BEND3: variants seen among roughly 807,000 people sequenced by gnomAD.
BEND3 encodes the protein BEN domain-containing protein 3.
A neutral mutation model predicts 60.1 loss-of-function variants in BEND3; 13 were observed. The ratio of observed to expected loss-of-function variants is 0.22; its 90% CI spans 0.14 to 0.34. BEND3 has a LOEUF of 0.34. BEND3 is among the 10% of genes least tolerant of loss of function. The pLI is 1.00. For missense variants in BEND3, 896 were observed against 1,138.1 expected (o/e 0.79, Z 3.06); for synonymous variants, 497 against 491.5 (o/e 1.01, Z -0.15).
intron 1 of BEND3, among the ~76,000 whole-genome samples, chr6:107,107,424 C>CTTTT (rs34112086): frequency 6.8e-6 from 1 of 147,038 alleles, no homozygotes; most frequent in Non-Finnish European, 1.5e-5. Context: ...TATAAAGCTT[C>CTTTT]TTTTTTTTTT....
At chr6:107,075,739 T>C (rs922126323) in intron 3 of BEND3, among the ~76,000 whole-genome samples, 8 of 152,178 alleles carry the variant, frequency 5.3e-5, no homozygotes, top group African/African-American at 1.9e-4. Context: ...GAAACGTATA[T>C]AGCATGCAAC....
chr6:107,100,234 C>T (rs1775677024), intron 1 of BEND3, among the ~76,000 whole-genome samples: 1 of 151,656 alleles, frequency 6.6e-6, no homozygotes, highest in African/African-American at 2.4e-5. Flanking sequence ...GGGCTAAATA[C>T]AATACTTTAT....
chr6:107,084,876 G>A (rs560808834), intron 3 of BEND3, among the ~76,000 whole-genome samples: 5 of 152,300 alleles, frequency 3.3e-5, no homozygotes, highest in African/African-American at 9.6e-5. Flanking sequence ...AGCAGGACAC[G>A]GGCCAAATAA....
At chr6:107,097,805 A>AT (rs1775618720) in intron 3 of BEND3, among the ~76,000 whole-genome samples, 1 of 151,266 alleles carries the variant, frequency 6.6e-6, no homozygotes, top group Non-Finnish European at 1.5e-5. Context: ...AAAAAAAAAA[A>AT]AAAAAAAAAA....
intron 1 of BEND3, among the ~76,000 whole-genome samples, chr6:107,104,854 C>T (rs149415729): frequency 4.0e-5 from 6 of 151,782 alleles, no homozygotes; most frequent in Admixed American, 1.3e-4. Context: ...TTTGTAGAGA[C>T]GGGCCTCCCT....
chr6:107,073,201 G>GTATATA (rs782669876), intron 3 of BEND3, among the ~76,000 whole-genome samples: 33 of 22,552 alleles, frequency 1.5e-3, no homozygotes, highest in Non-Finnish European at 2.2e-3. Flanking sequence ...GTATGTGTAT[G>GTATATA]TATATATATA....
intron 1 of BEND3, among the ~76,000 whole-genome samples, chr6:107,106,782 A>AT (rs1775824282): frequency 1.3e-5 from 2 of 151,918 alleles, no homozygotes; most frequent in South Asian, 2.1e-4. Context: ...CTAATTTTTT[A>AT]TTTTTTGTAG....
intron 3 of BEND3, among the ~76,000 whole-genome samples, chr6:107,095,834 G>T (rs1276645961): frequency 6.6e-6 from 1 of 152,214 alleles, no homozygotes; most frequent in Admixed American, 6.5e-5. Context: ...CGACATTCTG[G>T]AAAAGATAAA....
chr6:107,087,084 C>T (rs1489750111), intron 3 of BEND3, among the ~76,000 whole-genome samples: 4 of 151,382 alleles, frequency 2.6e-5, no homozygotes, highest in Non-Finnish European at 4.4e-5. Context: ...GTAATCCCAG[C>T]ACTTTCAGAG....
intron 1 of BEND3, among the ~76,000 whole-genome samples, chr6:107,105,119 T>A (rs1775785312): frequency 6.6e-6 from 1 of 152,076 alleles, no homozygotes; most frequent in Admixed American, 6.6e-5. Context: ...ACACCCGTAA[T>A]CCCAGCATTT....
rs1164705673 is a variant in BEND3, at chr6:107,065,845, G to C, written c.*2859C>G. The C allele has an allele frequency of 6.6e-6, 1 of 152,258 alleles. No individual in the cohort carries two copies. Among genetic ancestry groups the C allele is most frequent in the Non-Finnish European group, 1.5e-5 (1 of 68,050 alleles). The allele number at this position is 152,258 out of a possible 1,614,324, so 9.4% of individuals were successfully genotyped here. A position where few individuals can be genotyped will look rare whatever the true frequency, so the allele number is the denominator to read the frequency against. ...GGAAGGTTTGGAGCCAACACCGAAA[G>C]GGGAGGGGCACGCTAGCGCAAATGA... On this transcript the variant is annotated 3_prime_UTR_variant, in exon 4 of 4. Coordinates refer to ENST00000369042, the MANE Select transcript of BEND3 (RefSeq NM_001367314.1).
intron 3 of BEND3, among the ~76,000 whole-genome samples, chr6:107,072,553 C>T: frequency 6.6e-6 from 1 of 152,212 alleles, no homozygotes; most frequent in Non-Finnish European, 1.5e-5. Context: ...AAAGAGACAA[C>T]CTCAGAAGCG....
At chr6:107,084,257 C>T (rs750592062) in intron 3 of BEND3, among the ~76,000 whole-genome samples, 23 of 152,220 alleles carry the variant, frequency 1.5e-4, no homozygotes, top group African/African-American at 4.1e-4. Flanking sequence ...TTGCTGGAGA[C>T]GCAGTGTGGA....
intron 3 of BEND3, among the ~76,000 whole-genome samples, chr6:107,082,727 C>A (rs1306683815): frequency 6.6e-6 from 1 of 152,202 alleles, no homozygotes; most frequent in African/African-American, 2.4e-5. Context: ...CCGCGCCCAG[C>A]CTAGTGGTTG....
At chr6:107,114,960 C>G (rs1286769279) in intron 1 of BEND3, 130 bp downstream of exon 1, 4 of 148,106 alleles carry the variant, frequency 2.7e-5, no homozygotes, top group Non-Finnish European at 4.5e-5. Flanking sequence ...GAGCAGCCCC[C>G]CTCCGCGTCC....
chr6:107,094,987 AT>A (rs1176496170), intron 3 of BEND3, among the ~76,000 whole-genome samples: 2 of 151,638 alleles, frequency 1.3e-5, no homozygotes, highest in Non-Finnish European at 2.9e-5. Flanking sequence ...CGCCTGGATA[AT>A]TTTTTTGTAT....
In BEND3 at chr6:107,068,878, T is replaced by A; in HGVS notation, c.2313A>T (p.Gln771His). The change falls in exon 4 of 4, where the codon CAA becomes CAT. Residue 771 changes from glutamine to histidine, a missense_variant. Transcript: ENST00000369042. The surrounding 1 kb of genome is among the most constrained non-coding windows in gnomAD (Gnocchi z 5.8). ...YNHSGACNKKQLDPTRLRLIR... is the reference protein window; with the variant it reads ...YNHSGACNKKHLDPTRLRLIR... The stretch of plus-strand genomic sequence containing the variant: ...TGAGCCGCAGCCGCGTGGGGTCCAG[T>A]TGCTTCTTGTTGCAAGCCCCGGAAT... 1 of 1,613,382 alleles carries A rather than the reference T, an allele frequency of 6.2e-7. No homozygotes were observed. Among genetic ancestry groups the A allele is most frequent in the South Asian group, 1.1e-5 (1 of 91,010 alleles).
At chr6:107,093,652 T>C (rs1775523389) in intron 3 of BEND3, among the ~76,000 whole-genome samples, 1 of 152,152 alleles carries the variant, frequency 6.6e-6, no homozygotes, top group Non-Finnish European at 1.5e-5. Context: ...AACACAGTCT[T>C]TTCAACATAT....
intron 3 of BEND3, among the ~76,000 whole-genome samples, chr6:107,096,473 G>A (rs1198291088): frequency 6.6e-6 from 1 of 152,096 alleles, no homozygotes. Flanking sequence ...TTAGCCAGGC[G>A]TGGTGGTGCC....
Sources: gnomAD v4.1 joint callset for allele counts (sites outside exome capture counted in the v4.1 genomes callset) on GRCh38, gnomAD v4.1.1 for gene constraint, Gnocchi (gnomAD v3.1) non-coding constraint, MANE v1.5 for transcripts, NCBI Gene and HGNC (gene_info 2026-07-23, HGNC 2026-07-21) for gene names.